The following WT1 variants were observed in gnomAD, a reference collection of about 807,000 sequenced individuals.
The protein encoded by WT1 is WT1 transcription factor.
A neutral mutation model predicts 60.8 loss-of-function variants in WT1; 8 were observed. The observed-to-expected ratio is 0.13, with a 90% CI of 0.08 to 0.24. WT1 has a LOEUF of 0.24. Among genes scored for constraint, WT1 ranks in the 10% least tolerant of loss-of-function variants. The probability of loss-of-function intolerance (pLI) is 1.00; values close to 1 mark genes in which losing one functional copy is unlikely to be tolerated. For synonymous variants in WT1, 312 were observed against 297.1 expected (o/e 1.05, Z -0.52); for missense variants, 568 against 711.8 (o/e 0.80, Z 2.30).
At chr11:32,391,781 T>C (rs1851824141) in intron 9 of WT1, among the ~76,000 whole-genome samples, 191 bp downstream of exon 9, 2 of 152,216 alleles carry the variant, frequency 1.3e-5, no homozygotes, top group African/African-American at 4.8e-5. Flanking sequence ...TTCTCTGTAT[T>C]TCCACCCTCC....
At chr11:32,398,031 C>T (rs560810418) in intron 6 of WT1, among the ~76,000 whole-genome samples, 2 of 152,276 alleles carry the variant, frequency 1.3e-5, no homozygotes, top group African/African-American at 4.8e-5. Flanking sequence ...AGTTGTTAAT[C>T]TCAGTAAGGG....
intron 1 of WT1, among the ~76,000 whole-genome samples, chr11:32,433,389 G>A (rs1853373936): frequency 6.6e-6 from 1 of 152,240 alleles, no homozygotes; most frequent in Non-Finnish European, 1.5e-5. Flanking sequence ...CTCCTGGTTA[G>A]GCTAAGGTAG....
chr11:32,391,367 C>T (rs1015986443), intron 9 of WT1, among the ~76,000 whole-genome samples: 5 of 152,284 alleles, frequency 3.3e-5, no homozygotes, highest in African/African-American at 1.2e-4. Context: ...AGAAAATATG[C>T]AACAAAGGTG....
intron 5 of WT1, among the ~76,000 whole-genome samples, chr11:32,411,859 A>G (rs1264666715): frequency 6.6e-6 from 1 of 152,190 alleles, no homozygotes; most frequent in African/African-American, 2.4e-5. Flanking sequence ...CCTCAGGCCA[A>G]GTCCAATGCA....
intron 6 of WT1, among the ~76,000 whole-genome samples, chr11:32,398,695 A>G (rs747732603): frequency 6.6e-6 from 1 of 152,146 alleles, no homozygotes; most frequent in Non-Finnish European, 1.5e-5. Context: ...TTCCCCATCC[A>G]TGAAATGGAG....
chr11:32,431,895 G>A (rs575888616), intron 1 of WT1, among the ~76,000 whole-genome samples: 2 of 152,200 alleles, frequency 1.3e-5, no homozygotes, highest in East Asian at 1.9e-4. Context: ...TGGAAAAGGA[G>A]TAGAAACACC....
chr11:32,434,644 G>A, intron 1 of WT1, 56 bp downstream of exon 1: 7 of 1,610,910 alleles, frequency 4.3e-6, no homozygotes, highest in Admixed American at 1.7e-5. Flanking sequence ...GTCCTAGAGC[G>A]GAGAGTCCCT....
intron 1 of WT1, among the ~76,000 whole-genome samples, chr11:32,432,025 G>C (rs934753394): frequency 3.3e-5 from 5 of 152,182 alleles, no homozygotes; most frequent in African/African-American, 9.7e-5. Context: ...AAAGGTTCTC[G>C]AGGCCATTGT....
chr11:32,389,365 A>G (rs1851751607), intron 9 of WT1, among the ~76,000 whole-genome samples, 186 bp from the exon 10 acceptor site: 1 of 152,254 alleles, frequency 6.6e-6, no homozygotes, highest in South Asian at 2.1e-4. Flanking sequence ...TGGGGCTTTA[A>G]GGATCGAAAT....
intron 9 of WT1, 26 bp from the exon 10 acceptor site, chr11:32,389,205 A>G: frequency 6.2e-7 from 1 of 1,613,840 alleles, no homozygotes. Flanking sequence ...CCAGTCAGAG[A>G]CACTTGCAAC....
rs1853459139 is a variant in WT1, at chr11:32,435,028, C to A, written c.333G>T (p.Leu111=). 4 of 1,467,946 alleles carry A rather than the reference C, an allele frequency of 2.7e-6. No homozygotes were observed. The African/African-American group carries it at 6.0e-5, about 22-fold the overall frequency. 90.9% of individuals were successfully genotyped at this position (1,467,946 alleles called of 1,614,324 possible). Residue 111 remains leucine (L), a synonymous_variant, in exon 1 of 10, where the codon CTG becomes CTT. Transcript: ENST00000452863. ...CCGAAGCGCCCGGGGGCGCAAAGTC[C>A]AGCACCGGCGCCCACTGCGCCGCGC...
chr11:32,421,617 C>A (rs899951535), intron 3 of WT1, among the ~76,000 whole-genome samples: 5 of 151,764 alleles, frequency 3.3e-5, no homozygotes. Context: ...TCAGTCCTAG[C>A]AAAAAGGGGG....
chr11:32,434,331 T>C (rs1773108758), intron 1 of WT1, among the ~76,000 whole-genome samples: 1 of 152,186 alleles, frequency 6.6e-6, no homozygotes, highest in African/African-American at 2.4e-5. Flanking sequence ...CAATTTGGCG[T>C]TTCCTTAATT....
chr11:32,416,052 A>G (rs1181127418), intron 5 of WT1, among the ~76,000 whole-genome samples: 2 of 152,212 alleles, frequency 1.3e-5, no homozygotes, highest in African/African-American at 4.8e-5. Flanking sequence ...TTGAAAAACA[A>G]CAAAAAACAA....
intron 5 of WT1, among the ~76,000 whole-genome samples, chr11:32,411,742 C>T (rs912498760): frequency 7.2e-5 from 11 of 152,056 alleles, no homozygotes; most frequent in Admixed American, 3.3e-4. Context: ...AAGAAGCTTC[C>T]GAATCAGTCC....
chr11:32,407,943 C>A (rs1192738312), intron 5 of WT1, among the ~76,000 whole-genome samples: 2 of 152,052 alleles, frequency 1.3e-5, no homozygotes, highest in East Asian at 3.9e-4. Context: ...ACAGGGGAGG[C>A]CAGGCGCGGT....
At chr11:32,392,803 A>C in intron 7 of WT1, 48 bp from the exon 8 acceptor site, 1 of 1,581,960 alleles carries the variant, frequency 6.3e-7, no homozygotes, top group Non-Finnish European at 8.7e-7. Context: ...GGAAAAGGGG[A>C]TCTCATTAAA....
chr11:32,402,535 A>G (rs1041234870), intron 5 of WT1, among the ~76,000 whole-genome samples: 1 of 152,176 alleles, frequency 6.6e-6, no homozygotes, highest in Non-Finnish European at 1.5e-5. Flanking sequence ...TGGAGCCACA[A>G]TGTGACTTAC....
chr11:32,418,119 A>G (rs1852736873), intron 3 of WT1, among the ~76,000 whole-genome samples: 1 of 151,916 alleles, frequency 6.6e-6, no homozygotes, highest in Admixed American at 6.6e-5. Context: ...GAAAAGTCAG[A>G]GTGATGGGTG....
Sources: gnomAD v4.1 joint callset for allele counts (sites outside exome capture counted in the v4.1 genomes callset) on GRCh38, gnomAD v4.1.1 for gene constraint, MANE v1.5 for transcripts, NCBI Gene and HGNC (gene_info 2026-07-23, HGNC 2026-07-21) for gene names.